PRR16: variants seen among roughly 807,000 people sequenced by gnomAD.
PRR16 encodes the protein proline rich 16.
A neutral mutation model predicts 18.2 loss-of-function variants in PRR16; 6 were observed. The observed-to-expected ratio is 0.33, with a 90% CI of 0.18 to 0.65. PRR16 has a LOEUF of 0.65. Among genes scored for constraint, PRR16 ranks in the 30% least tolerant of loss-of-function variants. PRR16 has a pLI of 0.74. For synonymous variants in PRR16, 151 were observed against 147.8 expected (o/e 1.02, Z -0.16); for missense variants, 412 against 376.6 (o/e 1.09, Z -0.78).
At chr5:120,794,405 G>A in the PRR16 span, among the ~76,000 whole-genome samples, 2 of 152,038 alleles carry the variant, frequency 1.3e-5, no homozygotes, top group South Asian at 4.1e-4. Flanking sequence ...TCTATGTCAT[G>A]TTTTGGTAAT....
chr5:120,580,286 A>G (rs1753224422), intron 1 of PRR16, among the ~76,000 whole-genome samples: 2 of 152,018 alleles, frequency 1.3e-5, no homozygotes, highest in Non-Finnish European at 1.5e-5. Context: ...GAGTGGTGAG[A>G]GAGGGCATTC....
intron 1 of PRR16, among the ~76,000 whole-genome samples, chr5:120,611,972 G>A (rs1364373735): frequency 6.6e-6 from 1 of 152,102 alleles, no homozygotes; most frequent in Admixed American, 6.5e-5. Flanking sequence ...CATGGGGGCG[G>A]AGCTGCCCAA....
intron 1 of PRR16, among the ~76,000 whole-genome samples, chr5:120,580,508 G>A (rs957041850): frequency 1.4e-5 from 2 of 146,108 alleles, no homozygotes; most frequent in Admixed American, 1.4e-4. Context: ...AGGCTGGAGT[G>A]CAGTGGTGCG....
chr5:120,617,076 T>C, intron 1 of PRR16: 3 of 978,984 alleles, frequency 3.1e-6, no homozygotes, highest in Non-Finnish European at 2.4e-6. Flanking sequence ...TTTTTAAAGT[T>C]TTCTAATTTT....
the PRR16 span, among the ~76,000 whole-genome samples, chr5:120,701,957 C>A: frequency 6.6e-6 from 1 of 152,026 alleles, no homozygotes; most frequent in Non-Finnish European, 1.5e-5. Flanking sequence ...AGCGGCATTG[C>A]AGAAGAAAAT....
Position 120,625,073 on chromosome 5 carries a change from T to G in PRR16, c.160-60881T>G, listed in dbSNP as rs1388125472. ...AAATTGCCCAGTCTTGCATATGTCT[T>G]CATCAGCAGTATGAAAATGGACTAA... On this transcript the variant is annotated intron_variant, in intron 1 of 1. Transcript: ENST00000407149. Among the ~76,000 whole-genome samples the G allele has an allele frequency of 2.0e-5, 3 of 152,294 alleles. No individual in the cohort carries two copies. In the East Asian group the frequency reaches 5.8e-4, roughly 29 times the overall value.
chr5:120,507,214 T>C (rs1349925987), intron 1 of PRR16, among the ~76,000 whole-genome samples: 1 of 152,154 alleles, frequency 6.6e-6, no homozygotes, highest in African/African-American at 2.4e-5. Flanking sequence ...TTGTATGAGA[T>C]ATATAATACC....
intron 1 of PRR16, among the ~76,000 whole-genome samples, chr5:120,615,278 C>T (rs898894550): frequency 1.3e-5 from 2 of 151,994 alleles, no homozygotes; most frequent in Non-Finnish European, 2.9e-5. Flanking sequence ...ACTTCTACCA[C>T]CATTCTTTAG....
chr5:120,670,423 A>C (rs1236607829), intron 1 of PRR16, among the ~76,000 whole-genome samples: 1 of 152,112 alleles, frequency 6.6e-6, no homozygotes. Context: ...CATTATATTT[A>C]TGATGTAGAC....
At chr5:120,743,455 G>A in the PRR16 span, among the ~76,000 whole-genome samples, 2 of 151,546 alleles carry the variant, frequency 1.3e-5, no homozygotes, top group African/African-American at 4.9e-5. Flanking sequence ...AATAGTGTTG[G>A]GTTAAATTTT....
At chr5:120,779,975 T>C in the PRR16 span, among the ~76,000 whole-genome samples, 1 of 152,164 alleles carries the variant, frequency 6.6e-6, no homozygotes. Context: ...TTATGTCTCT[T>C]TATAAAGGGG....
chr5:120,656,602 A>G (rs6891778), intron 1 of PRR16, among the ~76,000 whole-genome samples: 64,232 of 151,666 alleles, frequency 0.42, 14,528 homozygotes, highest in East Asian at 0.86. Context: ...TATGAAAAGC[A>G]CACATTTCAG....
At chr5:120,692,117 C>T (rs147902140), downstream of PRR16, among the ~76,000 whole-genome samples, 153 of 152,286 alleles carry the variant, frequency 1.0e-3, 1 homozygote, top group African/African-American at 3.4e-3. Context: ...CTAAAAACAT[C>T]GATCCTGCAT....
chr5:120,741,610 G>A, the PRR16 span, among the ~76,000 whole-genome samples: 2 of 151,886 alleles, frequency 1.3e-5, no homozygotes, highest in Non-Finnish European at 2.9e-5. Context: ...GTTTTGTTTT[G>A]TTTTGTTTTT....
the PRR16 span, among the ~76,000 whole-genome samples, chr5:120,778,420 GAA>G: frequency 1.3e-5 from 2 of 152,026 alleles, no homozygotes; most frequent in South Asian, 2.1e-4. Context: ...TGCCTAAAGA[GAA>G]AAACATTTTA....
chr5:120,615,615 T>C lies in PRR16; in HGVS notation c.160-70339T>C, dbSNP rs146474145. 8.1e-3 allele frequency among the ~76,000 whole-genome samples: 1,228 copies of C among 152,208 alleles called. 8 individuals carry two copies. The highest frequency in any genetic ancestry group is 0.012 in the Non-Finnish European group (810 of 67,990). Reference sequence around the variant, plus strand: ...TTAGAAAATTTGACAGTTTTTGTTTTTGATTGTTGGTCTTGTTAAATGTTT... The same window carrying C: ...TTAGAAAATTTGACAGTTTTTGTTTCTGATTGTTGGTCTTGTTAAATGTTT... On this transcript the variant is annotated intron_variant, in intron 1 of 1. Transcript: ENST00000407149.
At chr5:120,578,353 T>C (rs1014768600) in intron 1 of PRR16, among the ~76,000 whole-genome samples, 30 of 152,176 alleles carry the variant, frequency 2.0e-4, no homozygotes, top group African/African-American at 7.0e-4. Context: ...GGTGCCATGG[T>C]TGTTTGCTGC....
chr5:120,701,990 G>T, the PRR16 span, among the ~76,000 whole-genome samples: 1 of 152,224 alleles, frequency 6.6e-6, no homozygotes, highest in African/African-American at 2.4e-5. Context: ...TTTTAGGTCA[G>T]GTGTGAATGG....
the PRR16 span, among the ~76,000 whole-genome samples, chr5:120,706,362 A>T: frequency 8.3e-6 from 1 of 120,536 alleles, no homozygotes; most frequent in African/African-American, 2.9e-5. Context: ...CTTGAAATTT[A>T]TGTTAATATT....
Sources: gnomAD v4.1 joint callset for allele counts (sites outside exome capture counted in the v4.1 genomes callset) on GRCh38, gnomAD v4.1.1 for gene constraint, MANE v1.5 for transcripts, NCBI Gene and HGNC (gene_info 2026-07-23, HGNC 2026-07-21) for gene names.